Variants in THAP6 observed in about 807,000 individuals in gnomAD.
THAP6 encodes the protein THAP domain containing 6.
A neutral mutation model predicts 20.0 loss-of-function variants in THAP6; 13 were observed. That is an observed-to-expected ratio of 0.65 (90% CI 0.42 to 1.03). The LOEUF is 1.03. THAP6 is among the 50% of genes least tolerant of loss of function. The probability of loss-of-function intolerance (pLI) is 0.00; values close to 1 mark genes in which losing one functional copy is unlikely to be tolerated. For synonymous variants in THAP6, 93 were observed against 92.2 expected (o/e 1.01, Z -0.05); for missense variants, 262 against 261.6 (o/e 1.00, Z -0.01).
At chr4:75,514,122 C>T (rs1156696973), upstream of THAP6, 1 of 1,555,378 alleles carries the variant, frequency 6.4e-7, no homozygotes, top group Admixed American at 1.7e-5. Context: ...TAAATCCAAG[C>T]CTAACCACCT....
chr4:75,516,886 C>T lies in THAP6; in HGVS notation c.195C>T (p.His65=). The T allele has an allele frequency of 6.2e-7, 1 of 1,614,038 alleles. No homozygotes were observed. The highest frequency in any genetic ancestry group is 1.1e-5 in the South Asian group (1 of 91,078). ...AAGGAGATGTGTTGTGTTCGAGGCA[C>T]TTTAAGAAGACAGATTTTGACAGAA... ...PKKGDVLCSR[H]FKKTDFDRSA... Residue 65 remains histidine, a synonymous_variant, in exon 3 of 5, where the codon CAC becomes CAT. Coordinates refer to ENST00000311638, the MANE Select transcript of THAP6 (RefSeq NM_144721.6).
In THAP6 at chr4:75,520,104, T is replaced by G. The variant is rs377179030; in HGVS notation, c.289-1632T>G. On this transcript the variant is annotated intron_variant, in intron 3 of 4. Coordinates refer to ENST00000311638, the MANE Select transcript of THAP6 (RefSeq NM_144721.6). ...GTGATGGTGAGCATTTTTTCATGTG[T>G]TTTTTGGCTGCGTAAATATCTTCTT... Among the ~76,000 whole-genome samples, 35 of 152,298 alleles carry G rather than the reference T, an allele frequency of 2.3e-4. No homozygotes were observed. In the East Asian group the frequency reaches 5.0e-3, roughly 22 times the overall value.
downstream of THAP6, among the ~76,000 whole-genome samples, chr4:75,534,595 CA>C (rs1578279542): frequency 6.6e-6 from 1 of 152,044 alleles, no homozygotes. Flanking sequence ...TTCTGCACAG[CA>C]AAAGAAACTA....
rs1056222130 is a variant in THAP6 at position 75,528,685 on chromosome 4, C to T, written c.*1471C>T. 7 of 983,692 alleles carry T rather than the reference C, an allele frequency of 7.1e-6. No individual in the cohort carries two copies. The African/African-American group carries it at 8.8e-5, about 12-fold the overall frequency. The allele number at this position is 983,692 out of a possible 1,614,324, so 60.9% of individuals were successfully genotyped here. A position where few individuals can be genotyped will look rare whatever the true frequency, so the allele number is the denominator to read the frequency against. On this transcript the variant is annotated 3_prime_UTR_variant, in exon 5 of 5. Coordinates refer to ENST00000311638, the MANE Select transcript of THAP6 (RefSeq NM_144721.6). ...ATTTAACCCACATCTGCGAGATCAG[C>T]GTTATGCTAAGAGGAAATCACTGAG...
intron 4 of THAP6, among the ~76,000 whole-genome samples, chr4:75,523,877 G>A (rs1045613135): frequency 6.6e-6 from 1 of 150,388 alleles, no homozygotes; most frequent in Non-Finnish European, 1.5e-5. Flanking sequence ...ATGTTTTCTT[G>A]TAGTCGTTTC....
intron 2 of THAP6, among the ~76,000 whole-genome samples, chr4:75,536,255 G>A (rs1316434062): frequency 6.6e-6 from 1 of 152,082 alleles, no homozygotes; most frequent in African/African-American, 2.4e-5. Flanking sequence ...ACCTGAGGTC[G>A]GGAGTTCAAG....
chr4:75,527,762 G>A lies in THAP6; in HGVS notation c.*548G>A, dbSNP rs1202927932. 1 of 987,042 alleles carries A rather than the reference G, an allele frequency of 1.0e-6. No individual in the cohort carries two copies. The highest frequency in any genetic ancestry group is 1.7e-5 in the African/African-American group (1 of 57,226). 61.1% of individuals were successfully genotyped at this position (987,042 alleles called of 1,614,324 possible). On this transcript the variant is annotated 3_prime_UTR_variant, in exon 5 of 5. Transcript: ENST00000311638. ...GTATTGACTCTGAGAATAACACATA[G>A]TGAAGATCTGTGGGCTTTTAAAATT...
upstream of THAP6, chr4:75,514,191 C>A: frequency 6.2e-7 from 1 of 1,607,376 alleles, no homozygotes; most frequent in Non-Finnish European, 8.5e-7. Flanking sequence ...CCATAGAAGG[C>A]GTCACCTTTA....
chr4:75,526,723 C>T (rs1010800582), intron 4 of THAP6, among the ~76,000 whole-genome samples: 2 of 152,144 alleles, frequency 1.3e-5, no homozygotes, highest in Non-Finnish European at 2.9e-5. Context: ...TAAGTGCTTC[C>T]CATCCATAAT....
At position 75,528,870 on chromosome 4, in the gene THAP6, G is replaced by A; in HGVS notation, c.*1656G>A. 1.4e-6 allele frequency: 1 copy of A among 710,718 alleles called. No individual in the cohort carries two copies. Among genetic ancestry groups the A allele is most frequent in the Non-Finnish European group, 1.7e-6 (1 of 579,692 alleles). 44.0% of individuals were successfully genotyped at this position (710,718 alleles called of 1,614,324 possible). A position where few individuals can be genotyped will look rare whatever the true frequency, so the allele number is the denominator to read the frequency against. On this transcript the variant is annotated 3_prime_UTR_variant, in exon 5 of 5. Coordinates refer to ENST00000311638, the MANE Select transcript of THAP6 (RefSeq NM_144721.6). ...TCAAAACCAGCCTGGCCAAGATGGT[G>A]AAACCCCATCTCTGCTAAAAATACA...
At chr4:75,543,193 C>G (rs576928774) in intron 3 of THAP6, 71 of 152,328 alleles carry the variant, frequency 4.7e-4, no homozygotes, top group African/African-American at 1.7e-3. Flanking sequence ...GTCTACATCT[C>G]TAGTCTATAA....
At chr4:75,515,299 C>A (rs775521704) in intron 1 of THAP6, 134 bp from the exon 2 acceptor site, 1 of 723,296 alleles carries the variant, frequency 1.4e-6, no homozygotes, top group Non-Finnish European at 2.3e-6. Flanking sequence ...GTAAGCAAAG[C>A]TGCAGGTGTT....
intron 3 of THAP6, among the ~76,000 whole-genome samples, chr4:75,518,216 A>G (rs1476147654): frequency 1.3e-5 from 2 of 152,370 alleles, no homozygotes; most frequent in Admixed American, 6.5e-5. Flanking sequence ...CAAATAAACC[A>G]TAAGTTACCA....
intron 3 of THAP6, among the ~76,000 whole-genome samples, chr4:75,545,790 C>A (rs552459057): frequency 6.6e-6 from 1 of 152,332 alleles, no homozygotes; most frequent in East Asian, 1.9e-4. Context: ...TTGGACTTAC[C>A]AGCAGCTCAC....
At chr4:75,533,810 A>G (rs1030022995), downstream of THAP6, among the ~76,000 whole-genome samples, 1 of 151,962 alleles carries the variant, frequency 6.6e-6, no homozygotes, top group African/African-American at 2.4e-5. Context: ...TGTGCACAAC[A>G]TGCAGGTTCC....
upstream of THAP6, chr4:75,514,379 C>A: frequency 1.4e-6 from 2 of 1,389,006 alleles, no homozygotes; most frequent in South Asian, 1.4e-5. Context: ...CCCCTCCCAG[C>A]CCCAGCGGCC....
rs897385482 is a variant in THAP6, at chr4:75,529,183, A to T, written c.*1969A>T. 1 of 983,686 alleles carries T rather than the reference A, an allele frequency of 1.0e-6. No individual in the cohort carries two copies. The highest frequency in any genetic ancestry group is 1.7e-5 in the African/African-American group (1 of 57,182). 60.9% of individuals were successfully genotyped at this position (983,686 alleles called of 1,614,324 possible). ...TTTTATGGAGATGTTTTCAATAGAG[A>T]TTATTTTTCCCTCACCCTATTTGTG... is the stretch of plus-strand genomic sequence containing the variant. On this transcript the variant is annotated 3_prime_UTR_variant, in exon 5 of 5. Coordinates refer to ENST00000311638, the MANE Select transcript of THAP6 (RefSeq NM_144721.6).
At chr4:75,544,425 G>C (rs998940255) in intron 3 of THAP6, 5 of 152,242 alleles carry the variant, frequency 3.3e-5, no homozygotes, top group African/African-American at 9.7e-5. Flanking sequence ...CGCAATCTCG[G>C]CTCACTACAA....
chr4:75,527,374 A>G lies in THAP6; in HGVS notation c.*160A>G, dbSNP rs1375451660. ...GTTATCCAAAGACTTTTTTGAAAATATGCAGAAATTTGTGGTAATTATGTA... is the reference window on the plus strand; with the variant it reads ...GTTATCCAAAGACTTTTTTGAAAATGTGCAGAAATTTGTGGTAATTATGTA... On this transcript the variant is annotated 3_prime_UTR_variant, in exon 5 of 5. Coordinates refer to ENST00000311638, the MANE Select transcript of THAP6 (RefSeq NM_144721.6). 4 of 1,426,258 alleles carry G rather than the reference A, an allele frequency of 2.8e-6. No individual in the cohort carries two copies. Among genetic ancestry groups the G allele is most frequent in the Admixed American group, 2.9e-5 (1 of 34,614 alleles). The allele number at this position is 1,426,258 out of a possible 1,614,324, so 88.4% of individuals were successfully genotyped here.
Sources: allele counts gnomAD v4.1 joint callset (sites outside exome capture counted in the v4.1 genomes callset), GRCh38; gene constraint gnomAD v4.1.1; transcripts MANE v1.5; gene names NCBI Gene and HGNC (gene_info 2026-07-23, HGNC 2026-07-21).